The following LMAN2L variants were observed in gnomAD, a reference collection of about 807,000 sequenced individuals.
LMAN2L encodes the protein lectin, mannose binding 2 like.
A neutral mutation model predicts 44.3 loss-of-function variants in LMAN2L; 30 were observed. That is an observed-to-expected ratio of 0.68 (90% CI 0.51 to 0.92). The LOEUF (loss-of-function observed/expected upper bound fraction) is 0.92, where lower values mean the gene tolerates loss of function less well. LMAN2L is among the 40% of genes least tolerant of loss of function. LMAN2L has a pLI of 0.00. For missense variants in LMAN2L, 429 were observed against 446.1 expected (o/e 0.96, Z 0.35); for synonymous variants, 183 against 171.1 (o/e 1.07, Z -0.54).
intron 4 of LMAN2L, among the ~76,000 whole-genome samples, chr2:96,717,229 A>G (rs1470666788): frequency 6.6e-6 from 1 of 152,102 alleles, no homozygotes; most frequent in Non-Finnish European, 1.5e-5. Flanking sequence ...AGACACACAC[A>G]CACAAAGAAA....
chr2:96,709,812 C>T (rs76653480), intron 6 of LMAN2L, among the ~76,000 whole-genome samples: 10,723 of 152,212 alleles, frequency 0.07, 429 homozygotes, highest in Middle Eastern at 0.16. Flanking sequence ...TTAGGGATAC[C>T]CTATGGGCAG....
chr2:96,711,598 G>T lies in LMAN2L; in HGVS notation c.784+58C>A. ...CTCCCCTGTGAGAGGCCTCAATGAA[G>T]TGTGGGTATTGAGAAGAGGCCTCAG... On this transcript the variant is annotated intron_variant, in intron 6 of 7. Coordinates refer to ENST00000264963, the MANE Select transcript of LMAN2L (RefSeq NM_030805.4). The T allele has an allele frequency of 4.4e-6, 5 of 1,129,212 alleles. No homozygotes were observed. In the South Asian group the frequency reaches 6.2e-5, roughly 14 times the overall value. The allele number at this position is 1,129,212 out of a possible 1,614,324, so 69.9% of individuals were successfully genotyped here.
At chr2:96,710,541 G>T (rs1428625046) in intron 6 of LMAN2L, among the ~76,000 whole-genome samples, 1 of 152,140 alleles carries the variant, frequency 6.6e-6, no homozygotes, top group African/African-American at 2.4e-5. Flanking sequence ...TGGCGCGCCT[G>T]TAGTCCCAGC....
chr2:96,708,128 G>A (rs957021834), intron 6 of LMAN2L, among the ~76,000 whole-genome samples: 2 of 152,200 alleles, frequency 1.3e-5, no homozygotes, highest in Admixed American at 6.5e-5. Context: ...AGTAATCTGC[G>A]CTTAGCAGAA....
chr2:96,736,437 A>T (rs1249683649), intron 2 of LMAN2L, among the ~76,000 whole-genome samples: 1 of 152,240 alleles, frequency 6.6e-6, no homozygotes, highest in Non-Finnish European at 1.5e-5. Flanking sequence ...TACAGGTATC[A>T]GAAGTCGAAA....
Position 96,737,981 on chromosome 2 carries a change from G to T in LMAN2L, c.274C>A (p.Gln92Lys). The change falls in exon 2 of 8, where the codon CAA becomes AAA. Residue 92 changes from glutamine to lysine, a missense_variant. Gln to Lys is a moderately conservative substitution (Grantham distance 53, BLOSUM62 1). Coordinates refer to ENST00000264963, the MANE Select transcript of LMAN2L (RefSeq NM_030805.4). ...TTCCACAAGGCACCCTGTTTACTTT[G>T]CATATCTGGGGTAAGGCGGATATAC... ...TQYIRLTPDM[Q>K]SKQGALWNRV... 1 of 1,613,540 alleles carries T rather than the reference G, an allele frequency of 6.2e-7. No homozygotes were observed. The highest frequency in any genetic ancestry group is 8.5e-7 in the Non-Finnish European group (1 of 1,179,478).
chr2:96,724,214 T>C (rs1375234705), intron 4 of LMAN2L, among the ~76,000 whole-genome samples: 2 of 152,212 alleles, frequency 1.3e-5, no homozygotes, highest in East Asian at 3.8e-4. Flanking sequence ...TAGCACACTG[T>C]CTTTATTATT....
chr2:96,727,477 C>T lies in LMAN2L; in HGVS notation c.507+6042G>A, dbSNP rs990854124. 2.9e-4 allele frequency among the ~76,000 whole-genome samples: 44 copies of T among 152,064 alleles called. 1 individual carries two copies. The highest frequency in any genetic ancestry group is 2.8e-3 in the Admixed American group (43 of 15,260). ...CGGAACCCTGTCTCTACAAAAAATA[C>T]AAAAATTAGCCAGGTGTGGTGGCGC... On this transcript the variant is annotated intron_variant, in intron 4 of 7. Coordinates refer to ENST00000264963, the MANE Select transcript of LMAN2L (RefSeq NM_030805.4).
chr2:96,707,737 A>T lies in LMAN2L; in HGVS notation c.881T>A (p.Val294Glu), dbSNP rs778647170. ...ACTCTCAGGCAGCTTCATATTGTCC[A>T]CTGAGGGCAAGAACACATCTCGATG... ...KLHRDVFLPS[V>E]DNMKLPEMTA... Residue 294 changes from valine (V) to glutamate (E), a missense_variant, in exon 7 of 8, where the codon GTG becomes GAG. Val to Glu is a moderately radical substitution (Grantham distance 121). Coordinates refer to ENST00000264963, the MANE Select transcript of LMAN2L (RefSeq NM_030805.4). 1 of 1,614,082 alleles carries T rather than the reference A, an allele frequency of 6.2e-7. No homozygotes were observed. Among genetic ancestry groups the T allele is most frequent in the South Asian group, 1.1e-5 (1 of 91,052 alleles).
Position 96,712,016 on chromosome 2 carries a change from G to A in LMAN2L, c.517C>T (p.Pro173Ser). The A allele has an allele frequency of 6.2e-7, 1 of 1,614,172 alleles. No individual in the cohort carries two copies. The highest frequency in any genetic ancestry group is 8.5e-7 in the Non-Finnish European group (1 of 1,180,036). Reference sequence around the variant, plus strand: ...TTGTTCACCATGGCTGAGATGTAGGGGAATACCCGCTGGAAAGCAGAGAGG... The same window carrying A: ...TTGTTCACCATGGCTGAGATGTAGGAGAATACCCGCTGGAAAGCAGAGAGG... Reference protein sequence around the residue: ...NEEKQQERVFPYISAMVNNGS... With the variant: ...NEEKQQERVFSYISAMVNNGS... The change falls in exon 5 of 8, where the codon CCC (proline) becomes TCC (serine). Residue 173 changes from proline (P) to serine (S), a missense_variant. Pro to Ser is a moderately conservative substitution (Grantham distance 74). Transcript: ENST00000264963.
At chr2:96,726,849 C>T (rs914126751) in intron 4 of LMAN2L, among the ~76,000 whole-genome samples, 1 of 151,922 alleles carries the variant, frequency 6.6e-6, no homozygotes, top group Non-Finnish European at 1.5e-5. Context: ...TTTGGGAGGT[C>T]GAGGCGGGCA....
chr2:96,716,507 G>A (rs1048231653), intron 4 of LMAN2L, among the ~76,000 whole-genome samples: 1 of 152,196 alleles, frequency 6.6e-6, no homozygotes, highest in Non-Finnish European at 1.5e-5. Flanking sequence ...ATGTGAAGAA[G>A]TGAAGGAGGG....
At chr2:96,722,481 C>A (rs1224262996) in intron 4 of LMAN2L, among the ~76,000 whole-genome samples, 1 of 151,950 alleles carries the variant, frequency 6.6e-6, no homozygotes, top group Non-Finnish European at 1.5e-5. Flanking sequence ...CATAAGAGGG[C>A]TCCTGCTCCT....
chr2:96,723,829 C>T (rs1285312340), intron 4 of LMAN2L, among the ~76,000 whole-genome samples: 1 of 152,114 alleles, frequency 6.6e-6, no homozygotes, highest in African/African-American at 2.4e-5. Flanking sequence ...TGGCTCACGC[C>T]TGTAATCCCA....
intron 4 of LMAN2L, among the ~76,000 whole-genome samples, chr2:96,712,692 G>A (rs1222224964): frequency 5.3e-5 from 8 of 152,156 alleles, no homozygotes; most frequent in African/African-American, 1.7e-4. Context: ...TCCTCCACAC[G>A]TAACTTCTCC....
intron 4 of LMAN2L, among the ~76,000 whole-genome samples, chr2:96,728,531 A>G (rs1337902610): frequency 7.0e-6 from 1 of 143,756 alleles, no homozygotes; most frequent in East Asian, 2.1e-4. Flanking sequence ...AAGAAATTGC[A>G]CAGGACAGCA....
At chr2:96,731,269 A>G (rs778820211) in intron 4 of LMAN2L, among the ~76,000 whole-genome samples, 5 of 152,224 alleles carry the variant, frequency 3.3e-5, no homozygotes, top group African/African-American at 7.2e-5. Context: ...AATGAAGAAC[A>G]GCCCAGAAGG....
chr2:96,713,905 C>CT (rs1474673415), intron 4 of LMAN2L, among the ~76,000 whole-genome samples: 2 of 152,338 alleles, frequency 1.3e-5, no homozygotes, highest in East Asian at 3.8e-4. Flanking sequence ...CAAGAGGTAC[C>CT]TACACAAGCT....
chr2:96,724,906 A>G (rs2153329288), intron 4 of LMAN2L, among the ~76,000 whole-genome samples: 1 of 151,840 alleles, frequency 6.6e-6, no homozygotes, highest in Admixed American at 6.6e-5. Context: ...ATCTTGGCTC[A>G]CTGCAAGCTC....
Sources: gnomAD v4.1 joint callset for allele counts (sites outside exome capture counted in the v4.1 genomes callset) on GRCh38, gnomAD v4.1.1 for gene constraint, MANE v1.5 for transcripts, NCBI Gene and HGNC (gene_info 2026-07-23, HGNC 2026-07-21) for gene names.